Variants in GALNTL6 observed in about 807,000 individuals in gnomAD.
The protein encoded by GALNTL6 is polypeptide N-acetylgalactosaminyltransferase-like 6.
GALNTL6 carries 46 observed loss-of-function variants against 73.7 expected under a neutral mutation model. The ratio of observed to expected loss-of-function variants is 0.62; its 90% confidence interval spans 0.49 to 0.80. GALNTL6 has a LOEUF of 0.80. Ranked by LOEUF, GALNTL6 falls within the 30% of genes least tolerant of loss-of-function variation. GALNTL6 has a pLI of 0.00. For synonymous variants in GALNTL6, 259 were observed against 263.7 expected, an observed-to-expected ratio of 0.98 and a Z score of 0.17; for missense variants, 604 against 755.0, an observed-to-expected ratio of 0.80 and a Z score of 2.34.
At chr4:172,532,545 A>G (rs1460984172) in intron 5 of GALNTL6, among the ~76,000 whole-genome samples, 1 of 152,200 alleles carries the variant, frequency 6.6e-6, no homozygotes, top group Non-Finnish European at 1.5e-5. Flanking sequence ...AAACTAGTAC[A>G]GGTAATATTT....
chr4:172,300,001 C>CT, intron 3 of GALNTL6, among the ~76,000 whole-genome samples: 1 of 152,246 alleles, frequency 6.6e-6, no homozygotes, highest in Non-Finnish European at 1.5e-5. Context: ...GTGTGGGAGT[C>CT]TAAGTCTCTT....
intron 2 of GALNTL6, among the ~76,000 whole-genome samples, chr4:172,137,158 CTGTT>C (rs1310218742): frequency 6.6e-6 from 1 of 151,964 alleles, no homozygotes; most frequent in Non-Finnish European, 1.5e-5. Flanking sequence ...TCATTATTGA[CTGTT>C]TTTTGTTATT....
At chr4:172,130,770 C>T (rs889272243) in intron 2 of GALNTL6, among the ~76,000 whole-genome samples, 1 of 151,816 alleles carries the variant, frequency 6.6e-6, no homozygotes, top group African/African-American at 2.4e-5. Flanking sequence ...GAAATGAATG[C>T]ATTTGGTTCT....
chr4:172,080,071 A>C (rs1304015551), intron 2 of GALNTL6, among the ~76,000 whole-genome samples: 1 of 152,210 alleles, frequency 6.6e-6, no homozygotes, highest in Non-Finnish European at 1.5e-5. Flanking sequence ...CCTTTTAGGC[A>C]TGACTTTTTC....
intron 5 of GALNTL6, among the ~76,000 whole-genome samples, chr4:172,577,961 G>A (rs150679410): frequency 1.2e-3 from 181 of 152,298 alleles, no homozygotes; most frequent in African/African-American, 3.8e-3. Flanking sequence ...CTGGGGAAAT[G>A]AGAAAGTAGA....
intron 5 of GALNTL6, among the ~76,000 whole-genome samples, chr4:172,409,396 A>G (rs1744353700): frequency 6.6e-6 from 1 of 152,046 alleles, no homozygotes; most frequent in South Asian, 2.1e-4. Context: ...ATATTGACTA[A>G]TCAAATATCT....
chr4:171,955,390 A>G (rs1739012204), intron 2 of GALNTL6, among the ~76,000 whole-genome samples: 1 of 151,824 alleles, frequency 6.6e-6, no homozygotes, highest in African/African-American at 2.4e-5. Context: ...ATCTATATAT[A>G]TATATGTTTA....
intron 2 of GALNTL6, among the ~76,000 whole-genome samples, chr4:171,960,386 C>T (rs975529456): frequency 6.6e-6 from 1 of 151,966 alleles, no homozygotes; most frequent in Non-Finnish European, 1.5e-5. Context: ...AAGTGATTCT[C>T]CTGTCTCAGC....
At chr4:171,825,542 A>AT (rs11412639) in intron 2 of GALNTL6, among the ~76,000 whole-genome samples, 1,895 of 152,222 alleles carry the variant, frequency 0.012, 37 homozygotes, top group African/African-American at 0.042. Flanking sequence ...AGGAAATTAC[A>AT]TTTTTTTGGA....
chr4:172,740,125 T>A (rs1408441215), intron 5 of GALNTL6, among the ~76,000 whole-genome samples: 1 of 152,066 alleles, frequency 6.6e-6, no homozygotes, highest in Non-Finnish European at 1.5e-5. Context: ...CATCGTTCTC[T>A]CAAGGCCTTT....
At chr4:172,371,993 A>G (rs527438081) in intron 5 of GALNTL6, among the ~76,000 whole-genome samples, 2 of 152,304 alleles carry the variant, frequency 1.3e-5, no homozygotes, top group South Asian at 4.1e-4. Flanking sequence ...CTATCTGTAT[A>G]CACATTTATT....
At chr4:172,146,533 ATTAT>A (rs918168854) in intron 2 of GALNTL6, among the ~76,000 whole-genome samples, 1 of 152,190 alleles carries the variant, frequency 6.6e-6, no homozygotes, top group Non-Finnish European at 1.5e-5. Flanking sequence ...TTTCTGCATA[ATTAT>A]TTGTTAAATG....
chr4:172,470,672 T>G (rs1733013091), intron 5 of GALNTL6, among the ~76,000 whole-genome samples: 1 of 152,176 alleles, frequency 6.6e-6, no homozygotes, highest in African/African-American at 2.4e-5. Flanking sequence ...GCCTTACTAC[T>G]TGTTAAAAAA....
intron 2 of GALNTL6, among the ~76,000 whole-genome samples, chr4:171,956,499 CAATT>C (rs1739054317): frequency 6.6e-6 from 1 of 152,084 alleles, no homozygotes; most frequent in Admixed American, 6.6e-5. Flanking sequence ...CAAGTACAAT[CAATT>C]GTGTTGCTGC....
In GALNTL6 at chr4:172,233,207, A is replaced by C. The variant is rs1225667798; in HGVS notation, c.247+3443A>C. Among the ~76,000 whole-genome samples the C allele has an allele frequency of 2.1e-5, 3 of 143,480 alleles. No individual in the cohort carries two copies. The South Asian group carries it at 6.5e-4, about 31-fold the overall frequency. The allele number at this position is 143,480 out of a possible 152,430, so 94.1% of individuals were successfully genotyped here. A position where few individuals can be genotyped will look rare whatever the true frequency, so the allele number is the denominator to read the frequency against. On this transcript the variant is annotated intron_variant, in intron 3 of 12. Coordinates refer to ENST00000506823, the MANE Select transcript of GALNTL6 (RefSeq NM_001034845.3). ...AACATAGCGAGACCTCATCTCTCCA[A>C]AAAAAAAAAAAAAAAAATTCATCCG...
chr4:172,842,316 T>C (rs368375490), intron 7 of GALNTL6, among the ~76,000 whole-genome samples: 2 of 152,204 alleles, frequency 1.3e-5, no homozygotes, highest in East Asian at 1.9e-4. Flanking sequence ...AGACAGAATA[T>C]GGCCCTCTGT....
chr4:172,870,082 A>ATCATCATCG lies in GALNTL6; in HGVS notation c.924-12700_924-12699insGTCATCATC, dbSNP rs1553997507. ...CATCATCATCATCATCATCATCATC[A>ATCATCATCG]TCATCATCATCAGGTGTTTATAAAA... is the stretch of plus-strand genomic sequence containing the variant. On this transcript the variant is annotated intron_variant, in intron 7 of 12. Transcript: ENST00000506823. Among the ~76,000 whole-genome samples the ATCATCATCG allele has an allele frequency of 5.3e-5, 8 of 151,518 alleles. 1 individual carries two copies. The highest frequency in any genetic ancestry group is 2.1e-4 in the South Asian group (1 of 4,786).
intron 5 of GALNTL6, among the ~76,000 whole-genome samples, chr4:172,756,214 A>C (rs1295317967): frequency 1.3e-5 from 2 of 152,214 alleles, no homozygotes; most frequent in African/African-American, 4.8e-5. Flanking sequence ...ACTACAGTGA[A>C]AACAATCACA....
chr4:172,258,958 C>CAT (rs1002509102), intron 3 of GALNTL6, among the ~76,000 whole-genome samples: 4 of 151,170 alleles, frequency 2.6e-5, no homozygotes, highest in East Asian at 1.9e-4. Context: ...AGTATTCCAT[C>CAT]ATATATATAT....
Sources: allele counts gnomAD v4.1 joint callset (sites outside exome capture counted in the v4.1 genomes callset), GRCh38; gene constraint gnomAD v4.1.1; transcripts MANE v1.5; gene names NCBI Gene and HGNC (gene_info 2026-07-23, HGNC 2026-07-21).